The following ARID4B variants were observed in gnomAD, a reference collection of about 807,000 sequenced individuals.
ARID4B encodes the protein AT-rich interaction domain 4B, also known as AT-rich interactive domain-containing protein 4B.
In ARID4B, 26 loss-of-function variants were observed where a neutral mutation model predicts 147.5. The ratio of observed to expected loss-of-function variants is 0.18; its 90% CI spans 0.13 to 0.24. The LOEUF (loss-of-function observed/expected upper bound fraction) is 0.24. ARID4B is among the 10% of genes least tolerant of loss of function. The pLI is 1.00. For missense variants in ARID4B, 1,179 were observed against 1,511.5 expected (o/e 0.78, Z 3.65); for synonymous variants, 512 against 507.9 (o/e 1.01, Z -0.11).
Position 235,255,220 on chromosome 1 carries a change from T to TATATATATAGAG in ARID4B, c.274+439_274+440insCTCTATATATAT, listed in dbSNP as rs1264196304. 1.1e-4 allele frequency among the ~76,000 whole-genome samples: 7 copies of TATATATATAGAG among 62,392 alleles called. No homozygotes were observed. The South Asian group carries it at 1.9e-3, about 17-fold the overall frequency. The allele number at this position is 62,392 out of a possible 152,430, so 40.9% of individuals were successfully genotyped here. Reference sequence around the variant, plus strand: ...TACTACTTTGTTTCCTGCTGGGAGCTAGATAGATAGATAGATAGATAGATA... The same window carrying TATATATATAGAG: ...TACTACTTTGTTTCCTGCTGGGAGCTATATATATAGAGAGATAGATAGATAGATAGATAGATA... On this transcript the variant is annotated intron_variant, in intron 5 of 23. Transcript: ENST00000264183.
intron 19 of ARID4B, among the ~76,000 whole-genome samples, chr1:235,189,620 T>G (rs562561031): frequency 1.3e-5 from 2 of 151,588 alleles, no homozygotes; most frequent in Non-Finnish European, 2.9e-5. Flanking sequence ...CCAAGTGCAG[T>G]GTCATGCACC....
At chr1:235,255,263 A>ATCGATCTATCTATCTATCTATC (rs746915541) in intron 5 of ARID4B, among the ~76,000 whole-genome samples, 3 of 90,742 alleles carry the variant, frequency 3.3e-5, no homozygotes, top group Admixed American at 1.2e-4. Context: ...AGATAGATAG[A>ATCGATCTATCTATCTATCTATC]TATATATCTC....
At chr1:235,226,583 G>T (rs550435273) in intron 11 of ARID4B, among the ~76,000 whole-genome samples, 2 of 151,714 alleles carry the variant, frequency 1.3e-5, no homozygotes, top group Admixed American at 1.3e-4. Flanking sequence ...GTGCAGTGGC[G>T]TGATCTCGGC....
intron 16 of ARID4B, among the ~76,000 whole-genome samples, chr1:235,215,727 C>CTGGG (rs1345065688): frequency 4.0e-5 from 6 of 151,724 alleles, no homozygotes; most frequent in East Asian, 1.9e-4. Context: ...GGACTACAGG[C>CTGGG]ACACACCACC....
At chr1:235,192,245 C>T (rs1311958184) in intron 19 of ARID4B, among the ~76,000 whole-genome samples, 1 of 148,990 alleles carries the variant, frequency 6.7e-6, no homozygotes, top group Non-Finnish European at 1.5e-5. Flanking sequence ...ATAAAAATTA[C>T]TTAGGAATAT....
intron 18 of ARID4B, among the ~76,000 whole-genome samples, chr1:235,195,664 G>A (rs566714470): frequency 6.6e-6 from 1 of 152,114 alleles, no homozygotes; most frequent in South Asian, 2.1e-4. Context: ...AAGAGAAAAA[G>A]GAGTTGCCAG....
Position 235,326,914 on chromosome 1 carries a change from C to T in ARID4B, c.6G>A (p.Lys2=). The T allele has an allele frequency of 6.2e-7, 1 of 1,614,084 alleles. No homozygotes were observed. Among genetic ancestry groups the T allele is most frequent in the Non-Finnish European group, 8.5e-7 (1 of 1,179,956 alleles). Residue 2 remains lysine (K), a splice_region_variant and synonymous_variant, in exon 2 of 24, where the codon AAG becomes AAA. Transcript: ENST00000264183. M[K]ALDEPPYLTV... ...ATTCGTTTTCCGCAGGCAATCTTAC[C>T]TTCATGATGACTCTGGGACCAAGGT...
intron 5 of ARID4B, among the ~76,000 whole-genome samples, chr1:235,255,269 A>ATC (rs58782902): frequency 0.067 from 8,835 of 131,480 alleles, 452 homozygotes; most frequent in Non-Finnish European, 0.081. Context: ...ATAGATATAT[A>ATC]TCTCTCTCTC....
chr1:235,311,280 A>G (rs1397366009), intron 2 of ARID4B, among the ~76,000 whole-genome samples: 1 of 151,516 alleles, frequency 6.6e-6, no homozygotes, highest in Non-Finnish European at 1.5e-5. Context: ...TTGAGCCCAG[A>G]AGGTCAAGGC....
At chr1:235,300,621 T>C (rs888487025) in intron 2 of ARID4B, among the ~76,000 whole-genome samples, 6 of 152,150 alleles carry the variant, frequency 3.9e-5, no homozygotes, top group Non-Finnish European at 7.4e-5. Flanking sequence ...ATAAACTTCA[T>C]CATTTTTAAT....
rs551525763 is a variant in ARID4B, at chr1:235,214,273, A to G, written c.1584-247T>C. 2.6e-5 allele frequency among the ~76,000 whole-genome samples: 4 copies of G among 152,308 alleles called. No homozygotes were observed. The South Asian group carries it at 8.3e-4, about 32-fold the overall frequency. ...TAAGTGCAGTAAAAGAAAATTTCCA[A>G]AAGTCAGAAGAACAGAATTTGTGCC... On this transcript the variant is annotated intron_variant, in intron 16 of 23. Transcript: ENST00000264183.
At chr1:235,203,404 A>G (rs1178173756) in intron 17 of ARID4B, among the ~76,000 whole-genome samples, 1 of 152,240 alleles carries the variant, frequency 6.6e-6, no homozygotes, top group Admixed American at 6.5e-5. Flanking sequence ...ATATATACCT[A>G]AAAAGCACAG....
intron 2 of ARID4B, among the ~76,000 whole-genome samples, chr1:235,273,303 C>T (rs1218782179): frequency 6.6e-6 from 1 of 152,158 alleles, no homozygotes; most frequent in Non-Finnish European, 1.5e-5. Flanking sequence ...CTTGGCCTCC[C>T]AAAGTGCTAG....
At chr1:235,199,117 A>T (rs1665703997) in intron 17 of ARID4B, among the ~76,000 whole-genome samples, 1 of 152,194 alleles carries the variant, frequency 6.6e-6, no homozygotes, top group African/African-American at 2.4e-5. Context: ...AAACAAAAAA[A>T]ATTCTCATGG....
At chr1:235,270,600 C>T (rs1670918798) in intron 2 of ARID4B, among the ~76,000 whole-genome samples, 1 of 152,178 alleles carries the variant, frequency 6.6e-6, no homozygotes, top group African/African-American at 2.4e-5. Flanking sequence ...AATATTCTAA[C>T]TAGAATTTTC....
At chr1:235,322,052 G>C (rs567828803) in intron 2 of ARID4B, among the ~76,000 whole-genome samples, 5 of 150,930 alleles carry the variant, frequency 3.3e-5, no homozygotes, top group Admixed American at 3.3e-4. Context: ...TTTTGAGACA[G>C]AGTATTGCTC....
intron 2 of ARID4B, among the ~76,000 whole-genome samples, chr1:235,286,266 T>C (rs960662233): frequency 6.6e-6 from 1 of 152,188 alleles, no homozygotes; most frequent in African/African-American, 2.4e-5. Context: ...ACTCCTGGAC[T>C]CAAGTGATCC....
At chr1:235,261,975 A>T (rs1572101885) in intron 2 of ARID4B, among the ~76,000 whole-genome samples, 1 of 152,226 alleles carries the variant, frequency 6.6e-6, no homozygotes, top group Non-Finnish European at 1.5e-5. Context: ...TTGGAGATTC[A>T]TAAATGTAAG....
chr1:235,178,271 C>T (rs555480793), intron 20 of ARID4B, among the ~76,000 whole-genome samples: 1 of 152,022 alleles, frequency 6.6e-6, no homozygotes, highest in East Asian at 1.9e-4. Flanking sequence ...TTCAATAAAA[C>T]CAAAATATTA....
Sources: gnomAD v4.1 joint callset for allele counts (sites outside exome capture counted in the v4.1 genomes callset) on GRCh38, gnomAD v4.1.1 for gene constraint, MANE v1.5 for transcripts, NCBI Gene and HGNC (gene_info 2026-07-23, HGNC 2026-07-21) for gene names.